Variants in UGT1A8 observed in about 807,000 individuals in gnomAD.
UGT1A8 encodes UDP-glucuronosyltransferase 1A8.
A neutral mutation model predicts 45.3 loss-of-function variants in UGT1A8; 39 were observed. The ratio of observed to expected loss-of-function variants is 0.86; its 90% confidence interval spans 0.67 to 1.12. The LOEUF is 1.12. UGT1A8 is among the 50% of genes most tolerant of loss of function. The pLI, the probability that UGT1A8 is intolerant of heterozygous loss-of-function variation, is 0.00. For synonymous variants in UGT1A8, 275 were observed against 249.2 expected (o/e 1.10, Z -0.97); for missense variants, 719 against 664.9 (o/e 1.08, Z -0.90).
chr2:233,646,970 G>T (rs1225882189), intron 1 of UGT1A8, among the ~76,000 whole-genome samples: 2 of 152,224 alleles, frequency 1.3e-5, no homozygotes, highest in East Asian at 3.8e-4. Context: ...ACAAAAGACA[G>T]AGGTTTAATT....
rs758454924 is a variant in UGT1A8 at position 233,772,344 on chromosome 2, G to A, written c.1378G>A (p.Glu460Lys). The change falls in exon 5 of 5, where the codon GAG becomes AAG. Residue 460 changes from glutamate (E) to lysine (K), a missense_variant. Physicochemically the swap from Glu to Lys is moderately conservative, Grantham distance 56 (BLOSUM62 1). Transcript: ENST00000373450. ...EPLDLAVFWV[E>K]FVMRHKGAPH... ...GCTGGACCTGGCCGTGTTCTGGGTG[G>A]AGTTTGTGATGAGGCACAAGGGCGC... is the stretch of plus-strand genomic sequence containing the variant. 6.2e-7 allele frequency: 1 copy of A among 1,614,240 alleles called. No homozygotes were observed. The highest frequency in any genetic ancestry group is 2.2e-5 in the East Asian group (1 of 44,884).
intron 1 of UGT1A8, among the ~76,000 whole-genome samples, chr2:233,722,756 G>T (rs2077034440): frequency 6.6e-6 from 1 of 151,434 alleles, no homozygotes; most frequent in African/African-American, 2.4e-5. Context: ...TGTCTATAAG[G>T]CTGTTACCTA....
At chr2:233,626,718 T>C (rs2125451478) in intron 1 of UGT1A8, among the ~76,000 whole-genome samples, 1 of 152,170 alleles carries the variant, frequency 6.6e-6, no homozygotes, top group South Asian at 2.1e-4. Context: ...CATAGAAAAC[T>C]GTGTGTAATG....
intron 1 of UGT1A8, chr2:233,693,251 G>T (rs1429681788): frequency 1.2e-6 from 2 of 1,613,978 alleles, no homozygotes; most frequent in Non-Finnish European, 1.7e-6. Context: ...AGTGCCGTAT[G>T]ACCAAGAAGA....
chr2:233,738,647 T>G (rs1690861209), intron 1 of UGT1A8, among the ~76,000 whole-genome samples: 1 of 152,210 alleles, frequency 6.6e-6, no homozygotes, highest in Non-Finnish European at 1.5e-5. Context: ...TAGAGCTCTT[T>G]GGAACTACGA....
intron 1 of UGT1A8, among the ~76,000 whole-genome samples, chr2:233,664,431 T>G (rs1013783038): frequency 2.6e-5 from 4 of 152,192 alleles, no homozygotes; most frequent in Non-Finnish European, 4.4e-5. Context: ...TACGTTGCCA[T>G]AAAGGAATGC....
intron 1 of UGT1A8, among the ~76,000 whole-genome samples, chr2:233,751,322 C>G (rs1431699530): frequency 6.6e-6 from 1 of 151,916 alleles, no homozygotes; most frequent in Non-Finnish European, 1.5e-5. Context: ...TTCTGTACCC[C>G]CATTGTGTCT....
chr2:233,759,397 G>A (rs1263018819), intron 1 of UGT1A8, among the ~76,000 whole-genome samples: 10 of 152,128 alleles, frequency 6.6e-5, no homozygotes, highest in East Asian at 5.8e-4. Context: ...CAGAGTAACC[G>A]TGTGACCTGT....
At position 233,618,008 on chromosome 2, in the gene UGT1A8, C is replaced by G. The variant is rs2125446329; in HGVS notation, c.301C>G (p.Gln101Glu). The G allele has an allele frequency of 6.2e-7, 1 of 1,614,200 alleles. No individual in the cohort carries two copies. The highest frequency in any genetic ancestry group is 8.5e-7 in the Non-Finnish European group (1 of 1,180,038). Reference protein sequence around the residue: ...MDFADAQWKAQVRSLFSLFLS... With the variant: ...MDFADAQWKAEVRSLFSLFLS... ...TTTCGCCGATGCTCAATGGAAAGCA[C>G]AAGTACGAAGTTTGTTTTCTCTATT... Residue 101 changes from glutamine to glutamate, a missense_variant, in exon 1 of 5, where the codon CAA (glutamine) becomes GAA (glutamate). Transcript: ENST00000373450.
intron 1 of UGT1A8, chr2:233,689,899 G>A (rs1300313020): frequency 2.2e-6 from 1 of 456,498 alleles, no homozygotes; most frequent in South Asian, 1.5e-5. Context: ...TATTTCTCAG[G>A]GCCAGGTAGG....
rs2074103465 is a variant in UGT1A8 at position 233,667,530 on chromosome 2, A to C, written c.855+48968A>C. On this transcript the variant is annotated intron_variant, in intron 1 of 4. Transcript: ENST00000373450. ...TGGCAACAAAAGCCAAAATTGACAA[A>C]TGGGATCTCATTAAACTAAAGAGCT... Among the ~76,000 whole-genome samples, 3 of 152,338 alleles carry C rather than the reference A, an allele frequency of 2.0e-5. No individual in the cohort carries two copies. In the South Asian group the frequency reaches 6.2e-4, roughly 32 times the overall value.
intron 1 of UGT1A8, among the ~76,000 whole-genome samples, chr2:233,624,209 C>T: frequency 6.6e-6 from 1 of 152,016 alleles, no homozygotes; most frequent in South Asian, 2.1e-4. Context: ...TTTATGGGAT[C>T]CCATTGATAC....
chr2:233,729,846 G>T, intron 1 of UGT1A8: 1 of 1,613,888 alleles, frequency 6.2e-7, no homozygotes, highest in Admixed American at 1.7e-5. Context: ...AGCTTTTTCA[G>T]AGAGAGGTGT....
intron 1 of UGT1A8, chr2:233,761,095 C>T (rs765208275): frequency 1.2e-6 from 2 of 1,614,060 alleles, no homozygotes; most frequent in Admixed American, 3.3e-5. Context: ...GCCCATCATG[C>T]CCAATATGGT....
chr2:233,748,611 A>G (rs1693987516), intron 1 of UGT1A8, among the ~76,000 whole-genome samples: 1 of 151,804 alleles, frequency 6.6e-6, no homozygotes, highest in Non-Finnish European at 1.5e-5. Context: ...AGAGCAACGA[A>G]CGTGGGATAT....
chr2:233,727,033 A>G (rs2077579512), intron 1 of UGT1A8, among the ~76,000 whole-genome samples: 1 of 152,190 alleles, frequency 6.6e-6, no homozygotes, highest in Admixed American at 6.5e-5. Flanking sequence ...ACCCTAAGGA[A>G]TCTTTACCCC....
At chr2:233,672,820 A>G in intron 1 of UGT1A8, 1 of 1,579,740 alleles carries the variant, frequency 6.3e-7, no homozygotes, top group Non-Finnish European at 8.6e-7. Flanking sequence ...CACCTTAAGA[A>G]TACTTCACCT....
At chr2:233,672,484 C>T (rs2074228621) in intron 1 of UGT1A8, 2 of 1,613,942 alleles carry the variant, frequency 1.2e-6, no homozygotes, top group Non-Finnish European at 1.7e-6. Context: ...TGCACAGTGC[C>T]CTGCTCCTCT....
At chr2:233,743,641 G>A (rs750445210) in intron 1 of UGT1A8, 2 of 1,367,204 alleles carry the variant, frequency 1.5e-6, no homozygotes, top group East Asian at 4.5e-5. Context: ...GGTCGCGGAA[G>A]CTGAAGACGT....
Sources: allele counts gnomAD v4.1 joint callset (sites outside exome capture counted in the v4.1 genomes callset), GRCh38; gene constraint gnomAD v4.1.1; transcripts MANE v1.5; gene names NCBI Gene and HGNC (gene_info 2026-07-23, HGNC 2026-07-21).